PLEKHA6: variants seen among roughly 807,000 people sequenced by gnomAD.
PLEKHA6 encodes the protein pleckstrin homology domain containing A6.
In PLEKHA6, 60 loss-of-function variants were observed where a neutral mutation model predicts 116.7. That is an observed-to-expected ratio of 0.51 (90% CI 0.42 to 0.64). The LOEUF (loss-of-function observed/expected upper bound fraction) is 0.64. Ranked by LOEUF, PLEKHA6 falls within the 30% of genes least tolerant of loss-of-function variation. The pLI is 0.00. For synonymous variants in PLEKHA6, 489 were observed against 556.1 expected (o/e 0.88, Z 1.70); for missense variants, 1,338 against 1,422.7 (o/e 0.94, Z 0.96).
chr1:204,291,009 A>G (rs1186751621), intron 1 of PLEKHA6, among the ~76,000 whole-genome samples: 3 of 145,662 alleles, frequency 2.1e-5, no homozygotes, highest in Non-Finnish European at 4.5e-5. Context: ...AAAAAAAGAC[A>G]TTGTTACGAA....
At chr1:204,372,710 C>T (rs1673798677) in intron 1 of PLEKHA6, among the ~76,000 whole-genome samples, 1 of 152,054 alleles carries the variant, frequency 6.6e-6, no homozygotes, top group African/African-American at 2.4e-5. Flanking sequence ...AATGAATTCC[C>T]AAACTTTCTG....
chr1:204,292,065 T>C (rs759855469), intron 1 of PLEKHA6, among the ~76,000 whole-genome samples: 18 of 152,218 alleles, frequency 1.2e-4, no homozygotes, highest in Admixed American at 2.0e-4. Context: ...ACAGAAATGC[T>C]GGTTACAGGC....
At position 204,323,319 on chromosome 1, in the gene PLEKHA6, A is replaced by T. The variant is rs532338235; in HGVS notation, c.-95+36375T>A. ...AATAGGTCTTTTGCATCGTTATCTC[A>T]TCTTATCTCCGCAGCACCCCTCAAG... On this transcript the variant is annotated intron_variant, in intron 1 of 22. Coordinates refer to ENST00000272203, the MANE Select transcript of PLEKHA6 (RefSeq NM_014935.5). 2.0e-5 allele frequency among the ~76,000 whole-genome samples: 3 copies of T among 152,354 alleles called. No homozygotes were observed. The East Asian group carries it at 5.8e-4, about 29-fold the overall frequency.
chr1:204,361,357 A>G (rs1173604257), upstream of PLEKHA6, among the ~76,000 whole-genome samples: 1 of 152,214 alleles, frequency 6.6e-6, no homozygotes, highest in Non-Finnish European at 1.5e-5. Context: ...AGGAGCACAG[A>G]CTTCCCTCCC....
At chr1:204,304,643 A>T (rs1258526692) in intron 1 of PLEKHA6, among the ~76,000 whole-genome samples, 1 of 152,192 alleles carries the variant, frequency 6.6e-6, no homozygotes, top group African/African-American at 2.4e-5. Flanking sequence ...AAAAATTGGT[A>T]AATTTTCCCT....
chr1:204,346,476 G>C (rs1361343536), intron 1 of PLEKHA6, among the ~76,000 whole-genome samples: 1 of 152,140 alleles, frequency 6.6e-6, no homozygotes. Context: ...GGGAAGCCAT[G>C]ACAAAGTGGA....
At chr1:204,292,202 A>G (rs1572094791) in intron 1 of PLEKHA6, among the ~76,000 whole-genome samples, 1 of 152,366 alleles carries the variant, frequency 6.6e-6, no homozygotes, top group South Asian at 2.1e-4. Context: ...AAGGGAAAAT[A>G]TCAAATAAAA....
chr1:204,269,058 C>T (rs74138415), intron 3 of PLEKHA6, among the ~76,000 whole-genome samples: 1,626 of 152,142 alleles, frequency 0.011, 17 homozygotes, highest in African/African-American at 0.033. Flanking sequence ...TGCACTCCAG[C>T]GATGCTCCCA....
At chr1:204,347,128 C>A in intron 1 of PLEKHA6, 2 of 1,118,376 alleles carry the variant, frequency 1.8e-6, no homozygotes, top group Non-Finnish European at 2.7e-6. Context: ...AGTACCCATT[C>A]CCTTGATGTC....
chr1:204,344,104 C>T (rs547859720), intron 1 of PLEKHA6, among the ~76,000 whole-genome samples: 23 of 152,098 alleles, frequency 1.5e-4, no homozygotes, highest in East Asian at 7.8e-4. Context: ...GCCTGGGCAA[C>T]GCAGCAAGAC....
intron 1 of PLEKHA6, chr1:204,347,064 G>A: frequency 7.0e-7 from 1 of 1,430,862 alleles, no homozygotes; most frequent in East Asian, 2.3e-5. Flanking sequence ...GGGTAACATT[G>A]TAGACTCTTC....
chr1:204,250,669 G>A (rs1664433331), intron 9 of PLEKHA6, 55 bp from the exon 10 acceptor site: 6 of 1,193,632 alleles, frequency 5.0e-6, no homozygotes, highest in South Asian at 1.2e-5. Flanking sequence ...GGTATGCAGG[G>A]ATAGGAAGCT....
chr1:204,321,377 TCAG>T (rs1347185745), intron 1 of PLEKHA6, among the ~76,000 whole-genome samples: 1 of 152,014 alleles, frequency 6.6e-6, no homozygotes, highest in East Asian at 1.9e-4. Flanking sequence ...AGGATTAAGT[TCAG>T]CCTCCTGTGT....
chr1:204,276,070 C>G (rs965536552), intron 1 of PLEKHA6, among the ~76,000 whole-genome samples: 5 of 152,174 alleles, frequency 3.3e-5, no homozygotes, highest in African/African-American at 1.2e-4. Flanking sequence ...CTTTCAATAG[C>G]CCAGGACACA....
At chr1:204,284,327 G>A (rs149636752) in intron 1 of PLEKHA6, among the ~76,000 whole-genome samples, 5 of 152,304 alleles carry the variant, frequency 3.3e-5, no homozygotes, top group African/African-American at 9.6e-5. Flanking sequence ...TTCTGCCTCC[G>A]GCCCCCAAGG....
intron 1 of PLEKHA6, among the ~76,000 whole-genome samples, chr1:204,315,333 C>T (rs753526272): frequency 7.9e-5 from 12 of 152,190 alleles, no homozygotes; most frequent in Non-Finnish European, 4.4e-5. Flanking sequence ...AGGCCCACTG[C>T]GGCACGTCCC....
Position 204,228,007 on chromosome 1 carries a change from C to T in PLEKHA6, c.3031+76G>A. The T allele has an allele frequency of 6.9e-7, 1 of 1,449,334 alleles. No individual in the cohort carries two copies. The highest frequency in any genetic ancestry group is 9.4e-7 in the Non-Finnish European group (1 of 1,065,754). 89.8% of individuals were successfully genotyped at this position (1,449,334 alleles called of 1,614,324 possible). On this transcript the variant is annotated intron_variant, in intron 21 of 22. Coordinates refer to ENST00000272203, the MANE Select transcript of PLEKHA6 (RefSeq NM_014935.5). This position sits in a 1 kb window ranked among gnomAD's most constrained non-coding sequence, Gnocchi z 4.0. ...CTCTTTGCTACTGCCCCCCTTGTAG[C>T]AGTGCCACGCTTCCTCCCTTAAACC...
At chr1:204,285,852 G>A (rs61819760) in intron 1 of PLEKHA6, among the ~76,000 whole-genome samples, 53,541 of 152,004 alleles carry the variant, frequency 0.35, 9,768 homozygotes, top group East Asian at 0.52. Context: ...GGAGGAGGCT[G>A]GAGACACAGA....
chr1:204,250,454 G>A, intron 10 of PLEKHA6, 92 bp downstream of exon 10: 1 of 861,692 alleles, frequency 1.2e-6, no homozygotes, highest in South Asian at 1.4e-5. Context: ...AGCCCCCGCA[G>A]AGGAAGAGAG....
Sources: allele counts gnomAD v4.1 joint callset (sites outside exome capture counted in the v4.1 genomes callset), GRCh38; gene constraint gnomAD v4.1.1; non-coding constraint Gnocchi (gnomAD v3.1); transcripts MANE v1.5; gene names NCBI Gene and HGNC (gene_info 2026-07-23, HGNC 2026-07-21).